TMEM164: variants seen among roughly 807,000 people sequenced by gnomAD.
TMEM164 encodes the protein RP13-360B22.2.
Under a neutral mutation model 18.8 loss-of-function variants are expected in TMEM164, and 4 were observed. The observed-to-expected ratio is 0.21, with a 90% CI of 0.10 to 0.49. TMEM164 has a LOEUF of 0.49. Ranked by LOEUF, TMEM164 falls within the 20% of genes least tolerant of loss-of-function variation. The probability of loss-of-function intolerance (pLI) is 0.98; values close to 1 mark genes in which losing one functional copy is unlikely to be tolerated. For missense variants in TMEM164, 108 were observed against 239.9 expected (o/e 0.45, Z 3.63); for synonymous variants, 86 against 101.7 (o/e 0.85, Z 0.93).
chrX:110,113,749 T>G (rs1003921043), intron 4 of TMEM164, among the ~76,000 whole-genome samples: 3 of 111,432 alleles, frequency 2.7e-5, no homozygotes, highest in African/African-American at 9.8e-5. Context: ...CACCAGGATT[T>G]GCAAATCAGC....
intron 3 of TMEM164, among the ~76,000 whole-genome samples, chrX:110,094,944 G>A (rs2065990860): frequency 9.0e-6 from 1 of 111,476 alleles, no homozygotes; most frequent in Admixed American, 9.6e-5. Flanking sequence ...ATGAAGCTTA[G>A]TTTGGCTGGA....
Position 110,173,664 on chromosome X carries a change from T to C in TMEM164, c.*213T>C. The C allele has an allele frequency of 2.4e-6, 1 of 423,782 alleles. No homozygotes were observed. Among genetic ancestry groups the C allele is most frequent in the Non-Finnish European group, 4.1e-6 (1 of 245,987 alleles). The allele number at this position is 423,782 out of a possible 1,213,427, so 34.9% of individuals were successfully genotyped here. A position where few individuals can be genotyped will look rare whatever the true frequency, so the allele number is the denominator to read the frequency against. On this transcript the variant is annotated 3_prime_UTR_variant, in exon 7 of 7. Transcript: ENST00000372068. ...GAGCCTGGGGTGTAGTGCTGGGCGC[T>C]GGATTTTCCTCCTTCCCTTTGGCTC... is the stretch of plus-strand genomic sequence containing the variant.
intron 3 of TMEM164, among the ~76,000 whole-genome samples, chrX:110,092,770 G>A (rs774837729): frequency 8.9e-6 from 1 of 111,969 alleles, no homozygotes; most frequent in South Asian, 3.7e-4. Context: ...GTGAGAGAGG[G>A]CATCCCTGTC....
At chrX:110,009,329 G>T (rs749204866) in intron 2 of TMEM164, among the ~76,000 whole-genome samples, 6 of 112,111 alleles carry the variant, frequency 5.4e-5, no homozygotes, top group Non-Finnish European at 1.1e-4. Context: ...AGCCTGACCT[G>T]ACTCCAGTAA....
intron 3 of TMEM164, among the ~76,000 whole-genome samples, chrX:110,107,259 G>T (rs770584117): frequency 9.9e-5 from 11 of 111,569 alleles, no homozygotes; most frequent in Non-Finnish European, 1.7e-4. Context: ...GATAAACCTG[G>T]TTTTGAATTC....
At chrX:110,095,828 T>G (rs1357286997) in intron 3 of TMEM164, among the ~76,000 whole-genome samples, 2 of 112,163 alleles carry the variant, frequency 1.8e-5, no homozygotes, top group African/African-American at 6.5e-5. Flanking sequence ...TTATCTACCT[T>G]TGGTCTTTGA....
intron 4 of TMEM164, among the ~76,000 whole-genome samples, chrX:110,143,578 G>A (rs2066803095): frequency 9.0e-6 from 1 of 111,554 alleles, no homozygotes; most frequent in Admixed American, 9.4e-5. Flanking sequence ...CAGAGCCAAC[G>A]TCTGTGTCCA....
chrX:110,044,139 A>G (rs1935211029), intron 2 of TMEM164, among the ~76,000 whole-genome samples: 1 of 112,514 alleles, frequency 8.9e-6, no homozygotes, highest in Non-Finnish European at 1.9e-5. Context: ...AAACCATAAG[A>G]CGAAAATCCA....
intron 3 of TMEM164, among the ~76,000 whole-genome samples, chrX:110,083,809 T>G (rs953511539): frequency 2.7e-5 from 3 of 111,947 alleles, no homozygotes; most frequent in Non-Finnish European, 5.6e-5. Context: ...TTCAAACTAG[T>G]TATTACTGGT....
intron 2 of TMEM164, among the ~76,000 whole-genome samples, chrX:110,018,779 G>A (rs761593144): frequency 3.6e-5 from 4 of 112,144 alleles, no homozygotes; most frequent in Non-Finnish European, 5.6e-5. Flanking sequence ...ATATGAGTAT[G>A]GCTGTTATCA....
intron 4 of TMEM164, among the ~76,000 whole-genome samples, chrX:110,141,688 G>A (rs2066772871): frequency 8.9e-6 from 1 of 112,141 alleles, no homozygotes; most frequent in African/African-American, 3.2e-5. Context: ...TGGGGTCACA[G>A]CCAAAACATA....
intron 4 of TMEM164, among the ~76,000 whole-genome samples, chrX:110,116,308 G>A (rs928519192): frequency 3.6e-5 from 4 of 112,261 alleles, no homozygotes; most frequent in Non-Finnish European, 5.6e-5. Flanking sequence ...CTTGCTCAGA[G>A]TTACATCATT....
At chrX:110,131,178 A>G (rs780034773) in intron 4 of TMEM164, among the ~76,000 whole-genome samples, 3 of 112,011 alleles carry the variant, frequency 2.7e-5, no homozygotes, top group African/African-American at 6.5e-5. Flanking sequence ...CCTTTAAGCA[A>G]TGACCCCCAG....
At chrX:110,090,851 C>A (rs2065916088) in intron 3 of TMEM164, among the ~76,000 whole-genome samples, 1 of 109,303 alleles carries the variant, frequency 9.1e-6, no homozygotes. Context: ...AATGCTATCC[C>A]TCCCCCAGCC....
intron 2 of TMEM164, among the ~76,000 whole-genome samples, chrX:110,007,805 G>T (rs1347069769): frequency 3.6e-5 from 4 of 112,516 alleles, no homozygotes; most frequent in Admixed American, 1.9e-4. Flanking sequence ...TTAAGAAAAA[G>T]ATCCCATTTG....
chrX:110,096,541 G>A (rs909086278), intron 3 of TMEM164, among the ~76,000 whole-genome samples: 3 of 112,503 alleles, frequency 2.7e-5, no homozygotes, highest in Non-Finnish European at 5.6e-5. Context: ...TTGGAAAAGC[G>A]CAGTATTAGG....
chrX:110,036,477 G>T (rs903187385), intron 2 of TMEM164, among the ~76,000 whole-genome samples: 2 of 112,239 alleles, frequency 1.8e-5, no homozygotes, highest in Non-Finnish European at 3.8e-5. Flanking sequence ...TGTTATCTTT[G>T]CATTGACTCC....
At chrX:110,059,615 A>C (rs1208788856) in intron 2 of TMEM164, among the ~76,000 whole-genome samples, 2 of 112,425 alleles carry the variant, frequency 1.8e-5, no homozygotes, top group Admixed American at 9.4e-5. Context: ...ACCTGACAAT[A>C]CTATATAAAA....
chrX:110,152,116 C>T (rs1406546394), intron 5 of TMEM164, among the ~76,000 whole-genome samples: 3 of 98,170 alleles, frequency 3.1e-5, no homozygotes, highest in Middle Eastern at 5.7e-3. Flanking sequence ...AGTGCAGTGG[C>T]GTGATCTCAG....
Sources: gnomAD v4.1 joint callset for allele counts (sites outside exome capture counted in the v4.1 genomes callset) on GRCh38, gnomAD v4.1.1 for gene constraint, MANE v1.5 for transcripts, NCBI Gene and HGNC (gene_info 2026-07-23, HGNC 2026-07-21) for gene names.